Variants in KIAA1217 observed in about 807,000 individuals in gnomAD.
KIAA1217 encodes the protein sickle tail protein homolog.
KIAA1217 carries 88 observed loss-of-function variants against 163.9 expected under a neutral mutation model. The ratio of observed to expected loss-of-function variants is 0.54; its 90% CI spans 0.45 to 0.64. KIAA1217 has a LOEUF of 0.64. KIAA1217 is among the 30% of genes least tolerant of loss of function. KIAA1217 has a pLI of 0.00. For synonymous variants in KIAA1217, 903 were observed against 923.1 expected (o/e 0.98, Z 0.39); for missense variants, 2,372 against 2,475.0 (o/e 0.96, Z 0.88).
At chr10:24,070,939 CTT>C (rs897741420) in intron 2 of KIAA1217, among the ~76,000 whole-genome samples, 2 of 151,994 alleles carry the variant, frequency 1.3e-5, no homozygotes, top group African/African-American at 4.8e-5. Context: ...GGTTGGGTGA[CTT>C]TGTACCCTTG....
At chr10:23,729,573 A>G (rs1325317376) in intron 1 of KIAA1217, among the ~76,000 whole-genome samples, 1 of 152,140 alleles carries the variant, frequency 6.6e-6, no homozygotes, top group Admixed American at 6.6e-5. Context: ...CTTTTCATAT[A>G]TCTATATTAC....
In KIAA1217 at chr10:24,381,005, G is replaced by C; in HGVS notation, c.491G>C (p.Ser164Thr). ...GDAPTPFSRG[S>T]RTRASLPVVR... ...GCTCCAACCCCTTTTTCCAGAGGCA[G>C]CCGGACTCGTGCGAGCCTTCCTGTG... The change falls in exon 3 of 21, where the codon AGC becomes ACC. Residue 164 changes from serine to threonine, a missense_variant. Around this residue, in one of 3 missense-constraint regions of KIAA1217, gnomAD observed 1,431 missense variants for 1,470.3 expected, o/e 0.97. Coordinates refer to ENST00000376454, the MANE Select transcript of KIAA1217 (RefSeq NM_019590.5). The C allele has an allele frequency of 1.2e-6, 2 of 1,608,698 alleles. No individual in the cohort carries two copies. Among genetic ancestry groups the C allele is most frequent in the Non-Finnish European group, 8.5e-7 (1 of 1,177,094 alleles).
At chr10:24,291,378 A>G (rs2079075824) in intron 2 of KIAA1217, among the ~76,000 whole-genome samples, 1 of 152,108 alleles carries the variant, frequency 6.6e-6, no homozygotes, top group Admixed American at 6.6e-5. Flanking sequence ...AAAATACAAA[A>G]AAGTAGCCAG....
intron 2 of KIAA1217, among the ~76,000 whole-genome samples, chr10:24,145,305 C>T (rs1036500749): frequency 6.6e-6 from 1 of 152,224 alleles, no homozygotes; most frequent in African/African-American, 2.4e-5. Context: ...GTCTGTTTCA[C>T]TCTGACTTGG....
intron 2 of KIAA1217, among the ~76,000 whole-genome samples, chr10:24,163,971 C>T (rs750313147): frequency 5.3e-5 from 8 of 152,042 alleles, no homozygotes; most frequent in Non-Finnish European, 7.4e-5. Context: ...TGAGTCCAGC[C>T]GGGGCAACAT....
At chr10:24,415,145 T>C (rs1019694807) in intron 3 of KIAA1217, among the ~76,000 whole-genome samples, 3 of 146,426 alleles carry the variant, frequency 2.0e-5, no homozygotes, top group African/African-American at 7.8e-5. Context: ...ATAGAGTCTT[T>C]CTGTTGTCAC....
chr10:24,517,151 G>A (rs1225682588), intron 10 of KIAA1217, among the ~76,000 whole-genome samples: 1 of 150,054 alleles, frequency 6.7e-6, no homozygotes, highest in Non-Finnish European at 1.5e-5. Context: ...CCCCAGCCTG[G>A]GTAACAGAGC....
At chr10:24,184,609 G>T (rs1392527211) in intron 2 of KIAA1217, among the ~76,000 whole-genome samples, 1 of 152,178 alleles carries the variant, frequency 6.6e-6, no homozygotes, top group Non-Finnish European at 1.5e-5. Context: ...CCCCATTTTG[G>T]CCTCAAGAAA....
intron 1 of KIAA1217, among the ~76,000 whole-genome samples, chr10:23,821,074 G>A (rs1246663289): frequency 6.6e-6 from 1 of 151,198 alleles, no homozygotes; most frequent in African/African-American, 2.4e-5. Flanking sequence ...GTATCTTCAT[G>A]GGCTTAATTT....
chr10:23,850,084 G>A lies in KIAA1217; in HGVS notation c.-321+154850G>A, dbSNP rs370656036. On this transcript the variant is annotated intron_variant, in intron 1 of 18. Coordinates refer to the KIAA1217 transcript ENST00000376462. Reference sequence around the variant, plus strand: ...GGAAAATAAGGTGGACCAAATTCTAGCCTTTACAACGAATGCCTGAGAGTC... The same window carrying A: ...GGAAAATAAGGTGGACCAAATTCTAACCTTTACAACGAATGCCTGAGAGTC... Among the ~76,000 whole-genome samples the A allele has an allele frequency of 1.8e-4, 27 of 152,164 alleles. 1 individual carries two copies. Among genetic ancestry groups the A allele is most frequent in the African/African-American group, 6.5e-4 (27 of 41,540 alleles).
At chr10:23,796,755 T>G (rs1012976421) in intron 1 of KIAA1217, among the ~76,000 whole-genome samples, 2 of 152,234 alleles carry the variant, frequency 1.3e-5, no homozygotes, top group East Asian at 1.9e-4. Context: ...ACAAAGCAGC[T>G]CTACCCACTA....
intron 1 of KIAA1217, among the ~76,000 whole-genome samples, chr10:23,872,047 A>G (rs1297016738): frequency 6.6e-6 from 1 of 152,018 alleles, no homozygotes; most frequent in Non-Finnish European, 1.5e-5. Context: ...ATGTTTATGA[A>G]TCTTTATATG....
rs1184601971 is a variant in KIAA1217, at chr10:24,209,167, G to A, written c.-27G>A. On this transcript the variant is annotated 5_prime_UTR_variant, in exon 1 of 21. Transcript: ENST00000376454. ...CTGCGCTCTGAAGTTTCCAGAGAGC[G>A]AGGAGCTTTTGCGGCAGGCAGAGAC... The A allele has an allele frequency of 2.5e-6, 4 of 1,611,108 alleles. No homozygotes were observed. Among genetic ancestry groups the A allele is most frequent in the East Asian group, 2.2e-5 (1 of 44,846 alleles).
intron 6 of KIAA1217, among the ~76,000 whole-genome samples, chr10:24,479,797 A>G (rs2064437031): frequency 6.6e-6 from 1 of 152,126 alleles, no homozygotes; most frequent in South Asian, 2.1e-4. Context: ...AGAGGGAGAA[A>G]TCTGAGGGGG....
At chr10:23,954,927 T>A (rs1411865782) in intron 1 of KIAA1217, among the ~76,000 whole-genome samples, 1 of 152,030 alleles carries the variant, frequency 6.6e-6, no homozygotes, top group East Asian at 1.9e-4. Flanking sequence ...AAGAGCTGAG[T>A]TTGAATCTTG....
chr10:24,323,059 C>T (rs1404514253), intron 2 of KIAA1217, among the ~76,000 whole-genome samples: 3 of 152,104 alleles, frequency 2.0e-5, no homozygotes, highest in African/African-American at 7.2e-5. Flanking sequence ...CAGCAATCTT[C>T]CCACTTCAGC....
chr10:24,455,632 G>A (rs927176061), intron 5 of KIAA1217, among the ~76,000 whole-genome samples: 3 of 152,120 alleles, frequency 2.0e-5, no homozygotes, highest in Admixed American at 1.3e-4. Context: ...CTTGCATTCT[G>A]GCCACAGACA....
intron 1 of KIAA1217, among the ~76,000 whole-genome samples, chr10:23,854,339 A>G (rs1386629164): frequency 2.0e-5 from 3 of 152,112 alleles, no homozygotes; most frequent in Non-Finnish European, 4.4e-5. Flanking sequence ...TGAGTTTCTT[A>G]ATCCTAAGTT....
At chr10:24,060,983 T>A (rs1002329525) in intron 2 of KIAA1217, among the ~76,000 whole-genome samples, 1 of 152,236 alleles carries the variant, frequency 6.6e-6, no homozygotes, top group Non-Finnish European at 1.5e-5. Context: ...ATTCACTGTA[T>A]CTTTGTAGAT....
Sources: allele counts gnomAD v4.1 joint callset (sites outside exome capture counted in the v4.1 genomes callset), GRCh38; gene constraint gnomAD v4.1.1; regional missense constraint gnomAD v4.1.1; transcripts MANE v1.5; gene names NCBI Gene and HGNC (gene_info 2026-07-23, HGNC 2026-07-21).